CSMD1: variants seen among roughly 807,000 people sequenced by gnomAD.
The protein encoded by CSMD1 is CUB and sushi domain-containing protein 1.
A neutral mutation model predicts 417.5 loss-of-function variants in CSMD1; 213 were observed. That is an observed-to-expected ratio of 0.51 (90% CI 0.46 to 0.57). The LOEUF (loss-of-function observed/expected upper bound fraction) is 0.57. Among genes scored for constraint, CSMD1 ranks in the 20% least tolerant of loss-of-function variants. CSMD1 has a pLI of 0.00. For synonymous variants in CSMD1, 2,862 were observed against 1,736.8 expected (o/e 1.65, Z -16.11); for missense variants, 6,923 against 4,529.7 (o/e 1.53, Z -15.17).
At chr8:3,535,103 T>C (rs1798138803) in intron 10 of CSMD1, among the ~76,000 whole-genome samples, 1 of 149,904 alleles carries the variant, frequency 6.7e-6, no homozygotes, top group Non-Finnish European at 1.5e-5. Flanking sequence ...TGTACCAACA[T>C]AGTCAGCTAA....
chr8:3,040,424 T>C (rs997370835), intron 50 of CSMD1, among the ~76,000 whole-genome samples: 2 of 141,912 alleles, frequency 1.4e-5, no homozygotes, highest in African/African-American at 2.5e-5. Flanking sequence ...AACAGAAATA[T>C]ATATATGTAT....
At chr8:3,389,285 T>C (rs544388320) in intron 17 of CSMD1, among the ~76,000 whole-genome samples, 39 of 152,268 alleles carry the variant, frequency 2.6e-4, no homozygotes, top group African/African-American at 9.1e-4. Flanking sequence ...AACCCTCTGA[T>C]AGGCCCCAGT....
chr8:3,655,272 T>A (rs1026743462), intron 7 of CSMD1, among the ~76,000 whole-genome samples: 1 of 152,164 alleles, frequency 6.6e-6, no homozygotes, highest in Non-Finnish European at 1.5e-5. Flanking sequence ...TTAAGACCCA[T>A]GAACATGAAG....
At chr8:3,706,081 G>C (rs1801150246) in intron 7 of CSMD1, among the ~76,000 whole-genome samples, 1 of 152,204 alleles carries the variant, frequency 6.6e-6, no homozygotes, top group South Asian at 2.1e-4. Flanking sequence ...GCTGGAACGT[G>C]GCCTGGCCTG....
At chr8:4,153,842 G>A (rs749153812) in intron 3 of CSMD1, among the ~76,000 whole-genome samples, 2 of 152,174 alleles carry the variant, frequency 1.3e-5, no homozygotes, top group Non-Finnish European at 2.9e-5. Context: ...ACATGCAAGT[G>A]GTGACCGTAG....
chr8:4,214,448 C>G (rs750269393), intron 3 of CSMD1, among the ~76,000 whole-genome samples: 6 of 152,146 alleles, frequency 3.9e-5, no homozygotes, highest in African/African-American at 4.8e-5. Context: ...CAGGCATGCA[C>G]CACCACACTT....
At chr8:3,462,193 T>C (rs1480593070) in intron 12 of CSMD1, among the ~76,000 whole-genome samples, 2 of 152,084 alleles carry the variant, frequency 1.3e-5, no homozygotes, top group Admixed American at 6.5e-5. Context: ...CCAAGCAGTG[T>C]TCTGGTCCCT....
At chr8:3,274,804 T>C (rs1802147622) in intron 26 of CSMD1, among the ~76,000 whole-genome samples, 1 of 152,314 alleles carries the variant, frequency 6.6e-6, no homozygotes, top group Admixed American at 6.5e-5. Flanking sequence ...CATCCTTTCA[T>C]TTTGAGCCTA....
intron 5 of CSMD1, among the ~76,000 whole-genome samples, chr8:3,786,359 G>T (rs748911444): frequency 4.6e-5 from 7 of 152,128 alleles, no homozygotes; most frequent in Non-Finnish European, 1.0e-4. Flanking sequence ...GGGCTTGGGT[G>T]ACCTCATTTA....
At chr8:3,449,846 C>T (rs190983577) in intron 12 of CSMD1, among the ~76,000 whole-genome samples, 16 of 152,298 alleles carry the variant, frequency 1.1e-4, no homozygotes, top group Admixed American at 5.2e-4. Context: ...CATATAAATT[C>T]ATGTAAAGTT....
At chr8:4,081,637 G>T (rs1464227419) in intron 3 of CSMD1, among the ~76,000 whole-genome samples, 4 of 152,186 alleles carry the variant, frequency 2.6e-5, no homozygotes, top group African/African-American at 7.2e-5. Context: ...TGGAGATATG[G>T]ACTAAAATAG....
At chr8:4,802,756 T>C (rs1234788461) in intron 1 of CSMD1, among the ~76,000 whole-genome samples, 1 of 152,198 alleles carries the variant, frequency 6.6e-6, no homozygotes, top group Non-Finnish European at 1.5e-5. Context: ...CAATCATTTA[T>C]TGTTATACTC....
intron 23 of CSMD1, among the ~76,000 whole-genome samples, chr8:3,317,070 T>G (rs1805820772): frequency 6.6e-6 from 1 of 151,950 alleles, no homozygotes; most frequent in African/African-American, 2.4e-5. Flanking sequence ...GAAGACTCAG[T>G]AGATGATAGA....
chr8:3,924,581 A>G (rs1010254529), intron 5 of CSMD1, among the ~76,000 whole-genome samples: 2 of 152,154 alleles, frequency 1.3e-5, no homozygotes, highest in Admixed American at 6.6e-5. Flanking sequence ...CTGTGACTGG[A>G]TAATTTTAAA....
intron 47 of CSMD1, among the ~76,000 whole-genome samples, chr8:3,094,143 C>T (rs4458902): frequency 0.57 from 86,068 of 151,096 alleles, 24,752 homozygotes; most frequent in South Asian, 0.65. Flanking sequence ...TTTTGCTCTG[C>T]CTTCCAGGCT....
intron 7 of CSMD1, among the ~76,000 whole-genome samples, chr8:3,671,548 CATATATATGATCATATATATATAT>C (rs1799056067): frequency 6.9e-4 from 2 of 2,890 alleles, no homozygotes; most frequent in African/African-American, 1.6e-3. Context: ...TATATATGAT[CATATATATGATCATATATATATAT>C]ATATATATAT....
At chr8:4,580,964 C>A (rs1310458006) in intron 2 of CSMD1, among the ~76,000 whole-genome samples, 1 of 152,162 alleles carries the variant, frequency 6.6e-6, no homozygotes, top group Non-Finnish European at 1.5e-5. Flanking sequence ...AGATAGACAA[C>A]GATTGTCCAC....
At chr8:4,644,520 C>A (rs1585382623) in intron 1 of CSMD1, among the ~76,000 whole-genome samples, 1 of 152,184 alleles carries the variant, frequency 6.6e-6, no homozygotes, top group African/African-American at 2.4e-5. Flanking sequence ...GATCCTCCCG[C>A]CTCAACCTCC....
intron 5 of CSMD1, among the ~76,000 whole-genome samples, chr8:3,989,168 C>A (rs1814555362): frequency 6.6e-6 from 1 of 152,308 alleles, no homozygotes; most frequent in East Asian, 1.9e-4. Context: ...CAAGCGTCTG[C>A]TCATTTGCTC....
Sources: gnomAD v4.1 joint callset for allele counts (sites outside exome capture counted in the v4.1 genomes callset) on GRCh38, gnomAD v4.1.1 for gene constraint, MANE v1.5 for transcripts, NCBI Gene and HGNC (gene_info 2026-07-23, HGNC 2026-07-21) for gene names.